The following FSTL5 variants were observed in gnomAD, a reference collection of about 807,000 sequenced individuals.
The protein encoded by FSTL5 is follistatin like 5, also known as follistatin-related protein 5.
Under a neutral mutation model 89.1 loss-of-function variants are expected in FSTL5, and 62 were observed. That is an observed-to-expected ratio of 0.70 (90% CI 0.57 to 0.86). FSTL5 has a LOEUF of 0.86. Ranked by LOEUF, FSTL5 falls within the 40% of genes least tolerant of loss-of-function variation. The probability of loss-of-function intolerance (pLI) is 0.00; values close to 1 mark genes in which losing one functional copy is unlikely to be tolerated. For synonymous variants in FSTL5, 383 were observed against 346.2 expected (o/e 1.11, Z -1.18); for missense variants, 1,057 against 1,001.6 (o/e 1.06, Z -0.75).
At chr4:162,090,951 C>G (rs1330685455) in intron 2 of FSTL5, among the ~76,000 whole-genome samples, 1 of 152,134 alleles carries the variant, frequency 6.6e-6, no homozygotes, top group Non-Finnish European at 1.5e-5. Context: ...CTCTTGTTTA[C>G]AGAGCCCTCC....
At chr4:161,999,787 A>G (rs1212268961) in intron 3 of FSTL5, among the ~76,000 whole-genome samples, 1 of 152,242 alleles carries the variant, frequency 6.6e-6, no homozygotes, top group East Asian at 1.9e-4. Flanking sequence ...ACATGAAATC[A>G]TGATACATAA....
At chr4:161,921,330 T>C (rs944476649) in intron 3 of FSTL5, among the ~76,000 whole-genome samples, 2 of 152,190 alleles carry the variant, frequency 1.3e-5, no homozygotes, top group African/African-American at 2.4e-5. Context: ...TATTTTCTTG[T>C]TACTTATTTA....
At chr4:161,706,164 G>A (rs958229035) in intron 6 of FSTL5, among the ~76,000 whole-genome samples, 5 of 150,576 alleles carry the variant, frequency 3.3e-5, no homozygotes, top group Admixed American at 1.3e-4. Flanking sequence ...TGTCACTGGC[G>A]CCTTTTGAGA....
chr4:161,503,946 A>G (rs1210205102), intron 11 of FSTL5, among the ~76,000 whole-genome samples: 2 of 151,898 alleles, frequency 1.3e-5, no homozygotes, highest in Non-Finnish European at 1.5e-5. Context: ...TTGTATTATT[A>G]TTACTTTTAA....
chr4:161,453,374 T>C (rs1308499452), intron 15 of FSTL5, among the ~76,000 whole-genome samples: 1 of 152,142 alleles, frequency 6.6e-6, no homozygotes, highest in Non-Finnish European at 1.5e-5. Context: ...AGAATATTTA[T>C]TAGTCATAAC....
At chr4:161,858,169 C>T (rs971379154) in intron 4 of FSTL5, among the ~76,000 whole-genome samples, 1 of 152,070 alleles carries the variant, frequency 6.6e-6, no homozygotes, top group Non-Finnish European at 1.5e-5. Context: ...CCCCTTCCAC[C>T]ACGTGAGGAT....
At chr4:162,120,763 T>C (rs990683890) in intron 1 of FSTL5, among the ~76,000 whole-genome samples, 1 of 152,004 alleles carries the variant, frequency 6.6e-6, no homozygotes, top group East Asian at 1.9e-4. Context: ...TACTACAGCA[T>C]ACCTGACTAT....
chr4:161,393,861 T>TA (rs973449024), intron 15 of FSTL5, among the ~76,000 whole-genome samples: 21 of 152,150 alleles, frequency 1.4e-4, no homozygotes, highest in Admixed American at 4.6e-4. Context: ...GGGCTAGTAC[T>TA]CTGGTCCCAC....
chr4:161,762,567 A>G (rs1311553587), intron 5 of FSTL5, among the ~76,000 whole-genome samples: 6 of 152,144 alleles, frequency 3.9e-5, no homozygotes, highest in Non-Finnish European at 8.8e-5. Context: ...TCATTATCTC[A>G]TGCTATTTTT....
At chr4:161,739,457 T>C (rs1739928917) in intron 6 of FSTL5, among the ~76,000 whole-genome samples, 3 of 152,234 alleles carry the variant, frequency 2.0e-5, no homozygotes, top group African/African-American at 7.2e-5. Flanking sequence ...TACATTGTTA[T>C]GGTACAACCC....
chr4:162,045,931 GT>G, intron 2 of FSTL5, among the ~76,000 whole-genome samples: 1 of 150,260 alleles, frequency 6.7e-6, no homozygotes, highest in South Asian at 2.1e-4. Flanking sequence ...TATTTTACGA[GT>G]TTTTTAAGAG....
At chr4:161,665,928 A>G (rs1665890569) in intron 6 of FSTL5, among the ~76,000 whole-genome samples, 1 of 152,120 alleles carries the variant, frequency 6.6e-6, no homozygotes, top group African/African-American at 2.4e-5. Flanking sequence ...GTTAAAGTTT[A>G]ACAGTAAACT....
intron 3 of FSTL5, among the ~76,000 whole-genome samples, chr4:161,950,019 TTAA>T (rs1212329065): frequency 2.6e-5 from 4 of 152,114 alleles, no homozygotes; most frequent in Admixed American, 2.6e-4. Context: ...TTTTTAAAAA[TTAA>T]TAAGATAAAT....
chr4:161,779,503 C>A (rs1230657657), intron 4 of FSTL5, among the ~76,000 whole-genome samples: 1 of 150,826 alleles, frequency 6.6e-6, no homozygotes, highest in African/African-American at 2.4e-5. Flanking sequence ...TCCCAACAAC[C>A]CAAAAAGAAA....
At chr4:161,908,737 T>C (rs1005456292) in intron 4 of FSTL5, among the ~76,000 whole-genome samples, 1 of 152,160 alleles carries the variant, frequency 6.6e-6, no homozygotes, top group African/African-American at 2.4e-5. Context: ...TTATACACTT[T>C]GTTTAACTCA....
At chr4:162,134,236 C>T (rs963946280) in intron 1 of FSTL5, among the ~76,000 whole-genome samples, 1 of 152,088 alleles carries the variant, frequency 6.6e-6, no homozygotes, top group Non-Finnish European at 1.5e-5. Context: ...ATTTTAAGCA[C>T]GGTGGTATCT....
At chr4:161,621,028 A>G (rs538649355) in intron 7 of FSTL5, among the ~76,000 whole-genome samples, 17 of 152,270 alleles carry the variant, frequency 1.1e-4, no homozygotes, top group Non-Finnish European at 2.2e-4. Flanking sequence ...AAATATCAGA[A>G]TGACACTCTT....
intron 8 of FSTL5, among the ~76,000 whole-genome samples, chr4:161,564,694 T>C (rs910655437): frequency 1.3e-5 from 2 of 151,612 alleles, no homozygotes; most frequent in Non-Finnish European, 2.9e-5. Context: ...ATTTATAAAC[T>C]TTTAGATACT....
intron 4 of FSTL5, among the ~76,000 whole-genome samples, chr4:161,789,225 T>C (rs931378540): frequency 6.6e-6 from 1 of 152,110 alleles, no homozygotes; most frequent in Admixed American, 6.5e-5. Flanking sequence ...TAACTTATGA[T>C]TGTCATTTTG....
Sources: gnomAD v4.1 joint callset for allele counts (sites outside exome capture counted in the v4.1 genomes callset) on GRCh38, gnomAD v4.1.1 for gene constraint, MANE v1.5 for transcripts, NCBI Gene and HGNC (gene_info 2026-07-23, HGNC 2026-07-21) for gene names.